Variants in PDGFRL observed in about 807,000 individuals in gnomAD.
PDGFRL encodes platelet-derived growth factor receptor-like protein.
A neutral mutation model predicts 37.2 loss-of-function variants in PDGFRL; 46 were observed. That is an observed-to-expected ratio of 1.24 (90% confidence interval 0.98 to 1.58). PDGFRL has a LOEUF of 1.58. PDGFRL is among the 40% of genes most tolerant of loss of function. PDGFRL has a pLI of 0.00. For synonymous variants in PDGFRL, 251 were observed against 184.3 expected (o/e 1.36, Z -2.93); for missense variants, 692 against 467.6 (o/e 1.48, Z -4.43).
intron 2 of PDGFRL, among the ~76,000 whole-genome samples, chr8:17,613,189 C>G (rs746009175): frequency 6.6e-6 from 1 of 152,050 alleles, no homozygotes; most frequent in Non-Finnish European, 1.5e-5. Context: ...AATTGTTGGG[C>G]GTATTTTAAG....
At chr8:17,603,883 A>C (rs2517184) in intron 2 of PDGFRL, among the ~76,000 whole-genome samples, 1 of 152,078 alleles carries the variant, frequency 6.6e-6, no homozygotes, top group Non-Finnish European at 1.5e-5. Flanking sequence ...GGGCATAGCA[A>C]GATATAAGGA....
At position 17,579,556 on chromosome 8, in the gene PDGFRL, GTTA is replaced by G. The variant is rs3988349; in HGVS notation, c.55+2276_55+2278del. Among the ~76,000 whole-genome samples, 1,188 of 119,510 alleles carry G rather than the reference GTTA, an allele frequency of 9.9e-3. 12 individuals are homozygous for G. The highest frequency in any genetic ancestry group is 0.014 in the Non-Finnish European group (813 of 57,532). 78.4% of individuals were successfully genotyped at this position (119,510 alleles called of 152,430 possible). On this transcript the variant is annotated intron_variant, in intron 1 of 5. Transcript: ENST00000251630. Reference sequence around the variant, plus strand: ...TCTTTATTATTATTTTATTATTATTGTTATTATTATTATTATTATTATTATTAT... The same window carrying G: ...TCTTTATTATTATTTTATTATTATTGTTATTATTATTATTATTATTATTAT...
chr8:17,633,063 G>A (rs889165607), intron 4 of PDGFRL, among the ~76,000 whole-genome samples: 3 of 152,116 alleles, frequency 2.0e-5, no homozygotes, highest in Non-Finnish European at 2.9e-5. Flanking sequence ...CTAGAATACA[G>A]ATTCCAAGGG....
intron 3 of PDGFRL, among the ~76,000 whole-genome samples, chr8:17,627,720 C>G (rs571778043): frequency 6.6e-6 from 1 of 151,990 alleles, no homozygotes; most frequent in East Asian, 1.9e-4. Flanking sequence ...AGGAGATCCA[C>G]CCGCCTCGGC....
At chr8:17,608,502 G>T (rs1222311189) in intron 2 of PDGFRL, among the ~76,000 whole-genome samples, 1 of 152,218 alleles carries the variant, frequency 6.6e-6, no homozygotes, top group African/African-American at 2.4e-5. Context: ...GCATCCTGGG[G>T]AAGGAGGCAG....
Position 17,583,698 on chromosome 8 carries a change from G to C in PDGFRL, c.56-5770G>C, listed in dbSNP as rs188959488. On this transcript the variant is annotated intron_variant, in intron 1 of 5. Coordinates refer to ENST00000251630, the MANE Select transcript of PDGFRL (RefSeq NM_001372073.1). ...GGGGTGGACCCCTCATGAATGGCTT[G>C]TTGCCCTCCTGGAGGTAATAGAACT... is the stretch of plus-strand genomic sequence containing the variant. Among the ~76,000 whole-genome samples, 448 of 152,244 alleles carry C rather than the reference G, an allele frequency of 2.9e-3. 1 individual carries two copies. Among genetic ancestry groups the C allele is most frequent in the Non-Finnish European group, 5.1e-3 (348 of 68,030 alleles).
chr8:17,596,105 A>AGTTACCCTTGCTG (rs1318800660), intron 2 of PDGFRL, among the ~76,000 whole-genome samples: 1 of 132,050 alleles, frequency 7.6e-6, no homozygotes, highest in African/African-American at 4.0e-5. Context: ...GAAGCCCCAG[A>AGTTACCCTTGCTG]GTTACCCTTG....
intron 2 of PDGFRL, among the ~76,000 whole-genome samples, chr8:17,601,579 T>G (rs745330926): frequency 5.3e-5 from 8 of 151,906 alleles, no homozygotes; most frequent in Non-Finnish European, 1.2e-4. Context: ...GTAATAAGCT[T>G]AGTACCCGAT....
At chr8:17,633,114 C>T (rs1304182511) in intron 4 of PDGFRL, among the ~76,000 whole-genome samples, 3 of 152,260 alleles carry the variant, frequency 2.0e-5, no homozygotes, top group East Asian at 3.9e-4. Context: ...TCTAGGCCCA[C>T]CTGCTAGCAC....
intron 2 of PDGFRL, among the ~76,000 whole-genome samples, chr8:17,618,750 C>T (rs189021731): frequency 9.8e-4 from 149 of 152,292 alleles, no homozygotes; most frequent in African/African-American, 3.4e-3. Flanking sequence ...ACTGCATACT[C>T]TGCACAGATT....
chr8:17,584,706 C>T (rs2517280), intron 1 of PDGFRL, among the ~76,000 whole-genome samples: 99,003 of 149,774 alleles, frequency 0.66, 35,163 homozygotes, highest in Non-Finnish European at 0.79. Flanking sequence ...GGATCTAATT[C>T]TCAGAAACTG....
In PDGFRL at chr8:17,628,752, C is replaced by T. The variant is rs769858503; in HGVS notation, c.771C>T (p.Ser257=). The change falls in exon 4 of 6, where the codon TCC becomes TCT. Residue 257 remains serine, a synonymous_variant. Coordinates refer to ENST00000251630, the MANE Select transcript of PDGFRL (RefSeq NM_001372073.1). ...RAEAGGRSQI[S]VKYQLLYVAV... ...AGGCCGGGGGCAGATCTCAGATCTC[C>T]GTCAAGTACCAGCTGCTCTATGTGG... 6.2e-6 allele frequency: 10 copies of T among 1,613,804 alleles called. No individual in the cohort carries two copies. The highest frequency in any genetic ancestry group is 4.4e-5 in the South Asian group (4 of 91,068).
At chr8:17,576,756 TGTGA>T, upstream of PDGFRL, 1 of 895,078 alleles carries the variant, frequency 1.1e-6, no homozygotes, top group Non-Finnish European at 1.3e-6. Context: ...GCAACGGTCC[TGTGA>T]GTGAGTGCAT....
At chr8:17,620,380 A>G (rs1317822907) in intron 2 of PDGFRL, among the ~76,000 whole-genome samples, 1 of 152,170 alleles carries the variant, frequency 6.6e-6, no homozygotes, top group Non-Finnish European at 1.5e-5. Flanking sequence ...TTTTAGTGAT[A>G]GATTTTGCTT....
At chr8:17,618,013 G>A (rs1413963199) in intron 2 of PDGFRL, among the ~76,000 whole-genome samples, 1 of 150,472 alleles carries the variant, frequency 6.6e-6, no homozygotes, top group African/African-American at 2.5e-5. Context: ...TTTTTAATTT[G>A]CTGAAATCTA....
intron 5 of PDGFRL, among the ~76,000 whole-genome samples, chr8:17,640,488 C>G (rs952098417): frequency 1.3e-5 from 2 of 152,164 alleles, no homozygotes; most frequent in Non-Finnish European, 2.9e-5. Flanking sequence ...ATACAGTGCT[C>G]TCCCCCTTCC....
chr8:17,635,122 T>A (rs930712650), intron 5 of PDGFRL, among the ~76,000 whole-genome samples: 1 of 152,198 alleles, frequency 6.6e-6, no homozygotes, highest in African/African-American at 2.4e-5. Context: ...GAGTGTTCTC[T>A]TTGTTTTTAA....
intron 5 of PDGFRL, among the ~76,000 whole-genome samples, chr8:17,634,933 T>A (rs899948630): frequency 6.6e-6 from 1 of 151,944 alleles, no homozygotes; most frequent in African/African-American, 2.4e-5. Context: ...TTTACCTATA[T>A]AACAGACTTG....
intron 3 of PDGFRL, among the ~76,000 whole-genome samples, chr8:17,627,000 C>G (rs1037628274): frequency 6.6e-6 from 1 of 152,178 alleles, no homozygotes. Context: ...TCCTTCAAGC[C>G]GACGCCATTC....
Sources: gnomAD v4.1 joint callset for allele counts (sites outside exome capture counted in the v4.1 genomes callset) on GRCh38, gnomAD v4.1.1 for gene constraint, MANE v1.5 for transcripts, NCBI Gene and HGNC (gene_info 2026-07-23, HGNC 2026-07-21) for gene names.